The following PTPRZ1 variants were observed in gnomAD, a reference collection of about 807,000 sequenced individuals.
The protein encoded by PTPRZ1 is protein tyrosine phosphatase receptor type Z1, also known as receptor-type tyrosine-protein phosphatase zeta.
A neutral mutation model predicts 214.1 loss-of-function variants in PTPRZ1; 82 were observed. The ratio of observed to expected loss-of-function variants is 0.38; its 90% CI spans 0.32 to 0.46. PTPRZ1 has a LOEUF of 0.46. Among genes scored for constraint, PTPRZ1 ranks in the 20% least tolerant of loss-of-function variants. PTPRZ1 has a pLI of 1.00. For missense variants in PTPRZ1, 2,603 were observed against 2,748.7 expected (o/e 0.95, Z 1.19); for synonymous variants, 945 against 987.9 (o/e 0.96, Z 0.81).
intron 2 of PTPRZ1, among the ~76,000 whole-genome samples, chr7:121,934,487 CAAAAAAAAA>C (rs529475632): frequency 6.5e-5 from 5 of 77,064 alleles, no homozygotes; most frequent in Admixed American, 1.6e-4. Flanking sequence ...GACTCCGTCT[CAAAAAAAAA>C]AAAAAAAAAA....
chr7:121,980,505 A>G (rs1797571372), intron 6 of PTPRZ1, among the ~76,000 whole-genome samples: 1 of 152,206 alleles, frequency 6.6e-6, no homozygotes, highest in Non-Finnish European at 1.5e-5. Flanking sequence ...TTACTAATGA[A>G]TCCGTTAAAT....
At chr7:122,018,459 T>C (rs752781260) in intron 12 of PTPRZ1, among the ~76,000 whole-genome samples, 9 of 152,046 alleles carry the variant, frequency 5.9e-5, no homozygotes, top group Non-Finnish European at 8.8e-5. Context: ...TACACTTGCA[T>C]ATTTCAGAAG....
chr7:121,907,059 CTA>C (rs1334233863), intron 1 of PTPRZ1, among the ~76,000 whole-genome samples: 1 of 151,958 alleles, frequency 6.6e-6, no homozygotes, highest in African/African-American at 2.4e-5. Context: ...TATTTTATCT[CTA>C]TTTGTTATTA....
chr7:121,954,890 G>T (rs1796658520), intron 2 of PTPRZ1, among the ~76,000 whole-genome samples: 1 of 152,200 alleles, frequency 6.6e-6, no homozygotes, highest in Admixed American at 6.5e-5. Flanking sequence ...CTTCTTTCTT[G>T]TTCCTTGAAT....
Position 121,961,067 on chromosome 7 carries a change from A to G in PTPRZ1, c.125-6884A>G, listed in dbSNP as rs566298987. 1.1e-3 allele frequency among the ~76,000 whole-genome samples: 165 copies of G among 152,348 alleles called. 4 individuals carry two copies. The South Asian group carries it at 0.034, about 31-fold the overall frequency. On this transcript the variant is annotated intron_variant, in intron 2 of 29. Transcript: ENST00000393386. The stretch of plus-strand genomic sequence containing the variant: ...AAGAGACAGACATATTGTAGTTTAA[A>G]TAAGTACAGTGATGCTGTAAAAATC...
Position 122,012,931 on chromosome 7 carries a change from G to T in PTPRZ1, c.3885G>T (p.Thr1295=). The T allele has an allele frequency of 6.2e-7, 1 of 1,613,926 alleles. No homozygotes were observed. The highest frequency in any genetic ancestry group is 8.5e-7 in the Non-Finnish European group (1 of 1,179,892). The change falls in exon 12 of 30, where the codon ACG becomes ACT. Residue 1295 remains threonine, a synonymous_variant. Transcript: ENST00000393386. ...ACAGTAATGATGAGTTGTTCCAAAC[G>T]GCCAATTTGGAGATTAACCAGGCCC... is the stretch of plus-strand genomic sequence containing the variant. ...SLYSNDELFQ[T]ANLEINQAHP...
chr7:121,888,227 A>G (rs1794460809), intron 1 of PTPRZ1, among the ~76,000 whole-genome samples: 3 of 151,832 alleles, frequency 2.0e-5, no homozygotes, highest in African/African-American at 7.3e-5. Flanking sequence ...CTGAGACCAT[A>G]CATTTTGTGT....
Position 121,892,679 on chromosome 7 carries a change from C to CATATATATAT in PTPRZ1, c.58+19157_58+19166dup, listed in dbSNP as rs58030102. Among the ~76,000 whole-genome samples the CATATATATAT allele has an allele frequency of 6.1e-3, 593 of 97,940 alleles. 19 individuals carry two copies. Among genetic ancestry groups the CATATATATAT allele is most frequent in the Middle Eastern group, 9.1e-3 (1 of 110 alleles). The allele number at this position is 97,940 out of a possible 152,430, so 64.3% of individuals were successfully genotyped here. ...ATATCTTAGAGTTCTTCAAGCATCTCATATATATATATATATATATATATA... is the reference window on the plus strand; with the variant it reads ...ATATCTTAGAGTTCTTCAAGCATCTCATATATATATATATATATATATATATATATATATA... On this transcript the variant is annotated intron_variant, in intron 1 of 29. Coordinates refer to ENST00000393386, the MANE Select transcript of PTPRZ1 (RefSeq NM_002851.3).
intron 10 of PTPRZ1, among the ~76,000 whole-genome samples, chr7:122,000,402 A>G (rs1239130194): frequency 2.0e-5 from 3 of 151,642 alleles, no homozygotes; most frequent in Non-Finnish European, 1.5e-5. Context: ...GAATTTTATT[A>G]TTTGTGTGAC....
At chr7:121,908,358 C>A in intron 1 of PTPRZ1, 1 of 209,046 alleles carries the variant, frequency 4.8e-6, no homozygotes, top group Non-Finnish European at 9.7e-6. Context: ...TAGATCAATC[C>A]CTTTGGAAAA....
chr7:121,934,520 A>C (rs1002500852), intron 2 of PTPRZ1, among the ~76,000 whole-genome samples: 2 of 144,816 alleles, frequency 1.4e-5, no homozygotes, highest in Non-Finnish European at 3.0e-5. Flanking sequence ...AAAGCTCTGC[A>C]TTTCGATTTT....
chr7:121,969,561 CAAAAA>C (rs5887062), intron 3 of PTPRZ1, among the ~76,000 whole-genome samples: 4 of 122,906 alleles, frequency 3.3e-5, no homozygotes, highest in Admixed American at 8.2e-5. Context: ...AACTCTGTCT[CAAAAA>C]AAAAAAAAAA....
At chr7:122,052,270 C>T (rs986332882) in intron 25 of PTPRZ1, among the ~76,000 whole-genome samples, 36 of 152,268 alleles carry the variant, frequency 2.4e-4, no homozygotes, top group African/African-American at 7.2e-4. Context: ...TGAGCAAACC[C>T]GGGATTCACT....
At chr7:122,052,282 G>T (rs766662487) in intron 25 of PTPRZ1, among the ~76,000 whole-genome samples, 1 of 152,118 alleles carries the variant, frequency 6.6e-6, no homozygotes, top group Non-Finnish European at 1.5e-5. Flanking sequence ...GGATTCACTG[G>T]CTTCAGCAAA....
In PTPRZ1 at chr7:122,013,597, T is replaced by C. The variant is rs539589616; in HGVS notation, c.4551T>C (p.Asp1517=). 3.7e-6 allele frequency: 6 copies of C among 1,614,128 alleles called. No homozygotes were observed. In the Admixed American group the frequency reaches 1.0e-4, roughly 27 times the overall value. Residue 1517 remains aspartate, a synonymous_variant, in exon 12 of 30, where the codon GAT becomes GAC. Transcript: ENST00000393386. ...ATGGGCTATCCCAAAAGCACAATGA[T>C]GGAAAAGAGGAAAATGACATTCAGA... is the stretch of plus-strand genomic sequence containing the variant. ...SANGLSQKHN[D]GKEENDIQTG... is the part of the protein sequence containing the mutation.
intron 11 of PTPRZ1, among the ~76,000 whole-genome samples, chr7:122,006,514 G>A (rs1413040445): frequency 6.6e-6 from 1 of 151,916 alleles, no homozygotes; most frequent in African/African-American, 2.4e-5. Flanking sequence ...TCTGTTCCTG[G>A]CTTATTCCAC....
intron 1 of PTPRZ1, among the ~76,000 whole-genome samples, chr7:121,904,672 T>C (rs1471565911): frequency 6.6e-6 from 1 of 152,174 alleles, no homozygotes; most frequent in Non-Finnish European, 1.5e-5. Flanking sequence ...ACTCAGATGG[T>C]CTTATTTAGT....
intron 11 of PTPRZ1, among the ~76,000 whole-genome samples, chr7:122,006,683 C>T (rs958566879): frequency 6.6e-6 from 1 of 151,794 alleles, no homozygotes; most frequent in Non-Finnish European, 1.5e-5. Flanking sequence ...TGTGAGCAGG[C>T]TGGCTTGTTG....
chr7:121,884,559 C>T lies in PTPRZ1; in HGVS notation c.58+11002C>T, dbSNP rs537846193. On this transcript the variant is annotated intron_variant, in intron 1 of 29. Coordinates refer to ENST00000393386, the MANE Select transcript of PTPRZ1 (RefSeq NM_002851.3). ...CCAACATAAAGGACAGAAAGAATGCCGCTTCTTCCTGTGACCTGAATACAC... is the reference window on the plus strand; with the variant it reads ...CCAACATAAAGGACAGAAAGAATGCTGCTTCTTCCTGTGACCTGAATACAC... Among the ~76,000 whole-genome samples the T allele has an allele frequency of 1.9e-3, 291 of 152,264 alleles. 2 individuals are homozygous for T. Among genetic ancestry groups the T allele is most frequent in the African/African-American group, 6.8e-3 (282 of 41,548 alleles).
Sources: allele counts gnomAD v4.1 joint callset (sites outside exome capture counted in the v4.1 genomes callset), GRCh38; gene constraint gnomAD v4.1.1; transcripts MANE v1.5; gene names NCBI Gene and HGNC (gene_info 2026-07-23, HGNC 2026-07-21).